Variants in STXBP5L observed in about 807,000 individuals in gnomAD.
The protein encoded by STXBP5L is syntaxin binding protein 5L.
Under a neutral mutation model 144.5 loss-of-function variants are expected in STXBP5L, and 65 were observed. That is an observed-to-expected ratio of 0.45 (90% CI 0.37 to 0.55). The LOEUF is 0.55. STXBP5L is among the 20% of genes least tolerant of loss of function. STXBP5L has a pLI of 0.00. For missense variants in STXBP5L, 1,298 were observed against 1,405.5 expected, an observed-to-expected ratio of 0.92 and a Z score of 1.22; for synonymous variants, 505 against 469.6, an observed-to-expected ratio of 1.08 and a Z score of -0.97.
rs180728582 is a variant in STXBP5L at position 121,055,262 on chromosome 3, G to A, written c.470+9727G>A. Among the ~76,000 whole-genome samples, 90 of 152,208 alleles carry A rather than the reference G, an allele frequency of 5.9e-4. 1 individual carries two copies. The highest frequency in any genetic ancestry group is 4.3e-3 in the Admixed American group (65 of 15,250). Reference sequence around the variant, plus strand: ...GAAGTATGGTGAATGGGAGGTTCAGGTCCTATAGGAGAATTTAACCAAGCA... The same window carrying A: ...GAAGTATGGTGAATGGGAGGTTCAGATCCTATAGGAGAATTTAACCAAGCA... On this transcript the variant is annotated intron_variant, in intron 5 of 26. Coordinates refer to ENST00000471454, the MANE Select transcript of STXBP5L (RefSeq NM_001308330.2).
intron 9 of STXBP5L, among the ~76,000 whole-genome samples, chr3:121,200,115 G>C (rs1002917603): frequency 2.0e-5 from 3 of 151,986 alleles, no homozygotes; most frequent in Non-Finnish European, 4.4e-5. Flanking sequence ...TCCGTTCTTG[G>C]ACTTTTTTGG....
intron 3 of STXBP5L, among the ~76,000 whole-genome samples, chr3:120,966,962 A>T (rs972362806): frequency 1.3e-5 from 2 of 152,088 alleles, no homozygotes; most frequent in African/African-American, 4.8e-5. Flanking sequence ...GCCCAATTCT[A>T]GCTTCCTGGT....
intron 19 of STXBP5L, among the ~76,000 whole-genome samples, chr3:121,296,898 G>T (rs550225911): frequency 6.6e-6 from 1 of 152,178 alleles, no homozygotes; most frequent in Non-Finnish European, 1.5e-5. Flanking sequence ...GGACTGGAAG[G>T]CAGAGAAATT....
chr3:120,920,753 G>A (rs1709322955), intron 2 of STXBP5L, among the ~76,000 whole-genome samples: 1 of 151,728 alleles, frequency 6.6e-6, no homozygotes, highest in Admixed American at 6.6e-5. Context: ...TTGTTTTTCT[G>A]TGCTTGGTTT....
At chr3:121,005,433 C>T (rs996213028) in intron 3 of STXBP5L, among the ~76,000 whole-genome samples, 1 of 151,954 alleles carries the variant, frequency 6.6e-6, no homozygotes, top group Non-Finnish European at 1.5e-5. Context: ...CTATTTGATT[C>T]TTCTCTCTTT....
chr3:120,924,875 T>A (rs1404854578), intron 2 of STXBP5L: 1 of 152,266 alleles, frequency 6.6e-6, no homozygotes, highest in African/African-American at 2.4e-5. Context: ...CACGCCTGGC[T>A]AATTTTTTGT....
intron 3 of STXBP5L, among the ~76,000 whole-genome samples, chr3:121,001,850 A>G (rs960014655): frequency 1.3e-5 from 2 of 152,172 alleles, no homozygotes; most frequent in Admixed American, 1.3e-4. Flanking sequence ...CAGTGAGAGA[A>G]GCTCTTCCTA....
At chr3:121,275,634 G>T (rs1260376343) in intron 18 of STXBP5L, among the ~76,000 whole-genome samples, 2 of 152,124 alleles carry the variant, frequency 1.3e-5, no homozygotes, top group East Asian at 3.9e-4. Flanking sequence ...AGGAATGTTT[G>T]CATACTACAC....
chr3:121,332,864 A>G (rs547972091), intron 20 of STXBP5L, among the ~76,000 whole-genome samples: 4 of 121,544 alleles, frequency 3.3e-5, no homozygotes, highest in East Asian at 2.2e-4. Flanking sequence ...TAAGAACGTG[A>G]AAAAAAAAAG....
At chr3:120,943,518 A>G (rs1710677027) in intron 2 of STXBP5L, among the ~76,000 whole-genome samples, 1 of 151,914 alleles carries the variant, frequency 6.6e-6, no homozygotes, top group Middle Eastern at 3.4e-3. Flanking sequence ...TTTAGTATCT[A>G]TACTTACATT....
chr3:120,981,254 G>A (rs1941741903), intron 3 of STXBP5L, among the ~76,000 whole-genome samples: 1 of 152,102 alleles, frequency 6.6e-6, no homozygotes, highest in Admixed American at 6.5e-5. Context: ...CAAATCTCTA[G>A]CAAAACCAGG....
At chr3:121,337,280 A>T (rs1354076637) in intron 20 of STXBP5L, among the ~76,000 whole-genome samples, 2 of 152,014 alleles carry the variant, frequency 1.3e-5, no homozygotes, top group Non-Finnish European at 2.9e-5. Flanking sequence ...AAAATCACAA[A>T]CCAAATATCA....
At chr3:121,392,277 G>A (rs577033519) in intron 22 of STXBP5L, among the ~76,000 whole-genome samples, 83 of 152,316 alleles carry the variant, frequency 5.4e-4, no homozygotes, top group Middle Eastern at 3.4e-3. Flanking sequence ...ATTTGGGCAG[G>A]AGTGCCCTGT....
chr3:121,178,513 A>T (rs1467321359), intron 9 of STXBP5L, among the ~76,000 whole-genome samples: 1 of 152,214 alleles, frequency 6.6e-6, no homozygotes, highest in East Asian at 1.9e-4. Flanking sequence ...GTACAATAAA[A>T]TTAATTTAAA....
In STXBP5L at chr3:121,370,219, T is replaced by A. The variant is rs185905268; in HGVS notation, c.2177-8497T>A. Among the ~76,000 whole-genome samples, 12 of 152,016 alleles carry A rather than the reference T, an allele frequency of 7.9e-5. 1 individual carries two copies. The East Asian group carries it at 2.1e-3, about 27-fold the overall frequency. ...GTCTCTACTAAAAATACAAAAAAAA[T>A]TAGCCAGGCATGATGGCAGGCACCT... On this transcript the variant is annotated intron_variant, in intron 20 of 26. Transcript: ENST00000471454.
At chr3:121,114,540 A>T (rs1357074495) in intron 5 of STXBP5L, among the ~76,000 whole-genome samples, 1 of 152,200 alleles carries the variant, frequency 6.6e-6, no homozygotes, top group Admixed American at 6.5e-5. Context: ...TTAGTGAAAG[A>T]TGTTAATTTT....
At chr3:121,395,529 G>A (rs1226035255) in intron 22 of STXBP5L, among the ~76,000 whole-genome samples, 1 of 152,064 alleles carries the variant, frequency 6.6e-6, no homozygotes, top group African/African-American at 2.4e-5. Flanking sequence ...TTTACAAATA[G>A]GTTTTTGAGG....
intron 2 of STXBP5L, among the ~76,000 whole-genome samples, chr3:120,934,788 G>A (rs1362129418): frequency 6.6e-6 from 1 of 151,588 alleles, no homozygotes; most frequent in Non-Finnish European, 1.5e-5. Context: ...CCTGAATTTG[G>A]CATTATCTGA....
At position 121,274,819 on chromosome 3, in the gene STXBP5L, A is replaced by C. The variant is rs1442212394; in HGVS notation, c.1959-4986A>C. Among the ~76,000 whole-genome samples the C allele has an allele frequency of 2.0e-5, 3 of 152,144 alleles. 1 individual carries two copies. Among genetic ancestry groups the C allele is most frequent in the Non-Finnish European group, 4.4e-5 (3 of 68,014 alleles). On this transcript the variant is annotated intron_variant, in intron 18 of 26. Transcript: ENST00000471454. ...TGATGAGACATAGTAATAGCATGGA[A>C]CATAGCAGTAACGTGGGTCCAGCGA...
Sources: allele counts gnomAD v4.1 joint callset (sites outside exome capture counted in the v4.1 genomes callset), GRCh38; gene constraint gnomAD v4.1.1; transcripts MANE v1.5; gene names NCBI Gene and HGNC (gene_info 2026-07-23, HGNC 2026-07-21).